The following DYSF variants were observed in gnomAD, a reference collection of about 807,000 sequenced individuals.
DYSF encodes the protein dystrophy-associated fer-1-like 1.
A neutral mutation model predicts 274.9 loss-of-function variants in DYSF; 212 were observed. That is an observed-to-expected ratio of 0.77 (90% CI 0.69 to 0.86). DYSF has a LOEUF of 0.86. Ranked by LOEUF, DYSF falls within the 40% of genes least tolerant of loss-of-function variation. The pLI, the probability that DYSF is intolerant of heterozygous loss-of-function variation, is 0.00. For missense variants in DYSF, 2,666 were observed against 2,783.2 expected (o/e 0.96, Z 0.95); for synonymous variants, 1,091 against 1,078.7 (o/e 1.01, Z -0.22).
At chr2:71,607,000 G>A (rs577529088) in intron 36 of DYSF, among the ~76,000 whole-genome samples, 4 of 152,212 alleles carry the variant, frequency 2.6e-5, no homozygotes, top group East Asian at 1.9e-4. Flanking sequence ...TTTGTTGGAC[G>A]GGGGAATTCA....
At chr2:71,605,973 C>T (rs540231666) in intron 36 of DYSF, among the ~76,000 whole-genome samples, 1 of 152,264 alleles carries the variant, frequency 6.6e-6, no homozygotes, top group South Asian at 2.1e-4. Context: ...CCCCGAGGAA[C>T]CAGGATGTGA....
At chr2:71,568,371 C>A in intron 26 of DYSF, 33 bp downstream of exon 26, 1 of 1,611,436 alleles carries the variant, frequency 6.2e-7, no homozygotes, top group African/African-American at 1.3e-5. Flanking sequence ...TGGGGAGAGC[C>A]AGGCCAGGCT....
chr2:71,516,109 G>T, intron 8 of DYSF, 71 bp from the exon 9 acceptor site: 2 of 1,471,998 alleles, frequency 1.4e-6, no homozygotes, highest in Non-Finnish European at 1.9e-6. Context: ...CTTGGGGGTG[G>T]TGGTCCTCCC....
chr2:71,667,264 G>C, intron 47 of DYSF, 112 bp from the exon 48 acceptor site: 1 of 1,522,392 alleles, frequency 6.6e-7, no homozygotes, highest in East Asian at 2.3e-5. Context: ...GGCTGCGGGG[G>C]TTAGAGCTTC....
chr2:71,483,724 T>C (rs1241173954), intron 3 of DYSF, among the ~76,000 whole-genome samples: 2 of 152,178 alleles, frequency 1.3e-5, no homozygotes, highest in African/African-American at 4.8e-5. Flanking sequence ...ACTGTCACCG[T>C]TACAGATGGG....
intron 54 of DYSF, 63 bp from the exon 55 acceptor site, chr2:71,682,467 A>T (rs2095308219): frequency 8.7e-6 from 14 of 1,610,640 alleles, no homozygotes; most frequent in Non-Finnish European, 1.2e-5. Flanking sequence ...TGTTGAGAGA[A>T]GAGTTTGGAG....
intron 41 of DYSF, among the ~76,000 whole-genome samples, chr2:71,639,491 A>G (rs1178572021): frequency 6.6e-6 from 1 of 152,218 alleles, no homozygotes; most frequent in Non-Finnish European, 1.5e-5. Flanking sequence ...TTAAAATGAG[A>G]TCACATTATT....
chr2:71,542,374 CTTCT>C (rs1216976500), intron 17 of DYSF, among the ~76,000 whole-genome samples: 3 of 93,412 alleles, frequency 3.2e-5, no homozygotes, highest in African/African-American at 1.3e-4. Context: ...CTTGTCAAGC[CTTCT>C]TTTTTTTTTT....
intron 3 of DYSF, among the ~76,000 whole-genome samples, chr2:71,502,570 C>T (rs956291004): frequency 2.0e-5 from 3 of 152,116 alleles, no homozygotes; most frequent in Non-Finnish European, 4.4e-5. Context: ...CCAACCATCG[C>T]GCTGCTGACC....
Position 71,513,882 on chromosome 2 carries a change from A to G in DYSF, c.720A>G (p.Thr240=), listed in dbSNP as rs886043320. 1 of 1,614,212 alleles carries G rather than the reference A, an allele frequency of 6.2e-7. No homozygotes were observed. The change falls in exon 7 of 56, where the codon ACA becomes ACG. Residue 240 remains threonine (T), a synonymous_variant. Coordinates refer to ENST00000410020, the MANE Select transcript of DYSF (RefSeq NM_001130987.2). The part of the protein sequence containing the change: ...PGIKRKRSAP[T]SRKLLSDKPQ... Reference sequence around the variant, plus strand: ...TCAAAAGAAAGCGAAGTGCGCCTACATCTAGAAAGCTGCTGTCAGACAAAC... The same window carrying G: ...TCAAAAGAAAGCGAAGTGCGCCTACGTCTAGAAAGCTGCTGTCAGACAAAC...
chr2:71,675,152 G>C lies in DYSF; in HGVS notation c.5884+856G>C, dbSNP rs565361684. 2.6e-5 allele frequency among the ~76,000 whole-genome samples: 4 copies of C among 152,228 alleles called. No homozygotes were observed. In the East Asian group the frequency reaches 5.8e-4, roughly 22 times the overall value. On this transcript the variant is annotated intron_variant, in intron 52 of 55. Transcript: ENST00000410020. ...TTAGTGGTTGCTAGGGATTGGGGGA[G>C]GGGGGATGGGGAGTGACTGTGATGG...
At chr2:71,601,151 G>A (rs935490469) in intron 34 of DYSF, 5 of 587,594 alleles carry the variant, frequency 8.5e-6, no homozygotes, top group Non-Finnish European at 1.2e-5. Context: ...GGACAGGCAA[G>A]GGCAGGATCC....
chr2:71,664,439 G>A lies in DYSF; in HGVS notation c.5174+1G>A, dbSNP rs886042581. On this transcript the variant is annotated splice_donor_variant, in intron 46 of 55. Coordinates refer to ENST00000410020, the MANE Select transcript of DYSF (RefSeq NM_001130987.2). LOFTEE classifies it high-confidence loss of function. ...GTGGACTCCCACAGACCTACTGTGT[G>A]TACGTGGATGGGGGCTGGCTGCCTG... The A allele has an allele frequency of 3.7e-6, 6 of 1,614,092 alleles. No homozygotes were observed. Among genetic ancestry groups the A allele is most frequent in the Admixed American group, 1.7e-5 (1 of 60,030 alleles).
intron 14 of DYSF, 62 bp from the exon 15 acceptor site, chr2:71,534,959 C>T: frequency 6.3e-7 from 1 of 1,577,716 alleles, no homozygotes; most frequent in Non-Finnish European, 8.7e-7. Context: ...GGCATGTGGC[C>T]CCGGGGGAGC....
intron 3 of DYSF, among the ~76,000 whole-genome samples, chr2:71,494,445 G>A (rs1210068022): frequency 6.6e-6 from 1 of 152,216 alleles, no homozygotes; most frequent in African/African-American, 2.4e-5. Context: ...TGTACTTGAA[G>A]ATGGTGCAAA....
chr2:71,521,899 T>A (rs1406926128), intron 12 of DYSF, among the ~76,000 whole-genome samples: 1 of 152,076 alleles, frequency 6.6e-6, no homozygotes, highest in Admixed American at 6.5e-5. Flanking sequence ...AGCTCCAACC[T>A]CAGCTTCCCT....
At chr2:71,543,745 G>A (rs1264453616) in intron 17 of DYSF, among the ~76,000 whole-genome samples, 2 of 152,048 alleles carry the variant, frequency 1.3e-5, no homozygotes, top group Non-Finnish European at 2.9e-5. Context: ...GCCTGCAATC[G>A]CAGGCACTCG....
chr2:71,526,800 A>G (rs1399813612), intron 13 of DYSF, among the ~76,000 whole-genome samples: 7 of 152,216 alleles, frequency 4.6e-5, no homozygotes, highest in Non-Finnish European at 1.0e-4. Context: ...TCACAGATGA[A>G]GGACACAGAT....
intron 41 of DYSF, among the ~76,000 whole-genome samples, chr2:71,624,985 A>G (rs1310635233): frequency 6.6e-6 from 1 of 152,124 alleles, no homozygotes; most frequent in Non-Finnish European, 1.5e-5. Context: ...AAAGCTTTGT[A>G]TCTATTCTGT....
Sources: gnomAD v4.1 joint callset for allele counts (sites outside exome capture counted in the v4.1 genomes callset) on GRCh38, gnomAD v4.1.1 for gene constraint, MANE v1.5 for transcripts, NCBI Gene and HGNC (gene_info 2026-07-23, HGNC 2026-07-21) for gene names.